The following TRIM68 variants were observed in gnomAD, a reference collection of about 807,000 sequenced individuals.
The protein encoded by TRIM68 is E3 ubiquitin-protein ligase TRIM68.
A neutral mutation model predicts 41.9 loss-of-function variants in TRIM68; 36 were observed. The ratio of observed to expected loss-of-function variants is 0.86; its 90% CI spans 0.66 to 1.14. The LOEUF (loss-of-function observed/expected upper bound fraction) is 1.14, where lower values mean the gene tolerates loss of function less well. TRIM68 is among the 50% of genes most tolerant of loss of function. The probability of loss-of-function intolerance (pLI) is 0.00; values close to 1 mark genes in which losing one functional copy is unlikely to be tolerated. For synonymous variants in TRIM68, 225 were observed against 224.6 expected (o/e 1.00, Z -0.02); for missense variants, 632 against 605.1 (o/e 1.04, Z -0.47).
At chr11:4,601,756 G>C in intron 4 of TRIM68, 70 bp from the exon 5 acceptor site, 1 of 1,574,608 alleles carries the variant, frequency 6.4e-7, no homozygotes, top group Non-Finnish European at 8.7e-7. Context: ...CATCGAACTG[G>C]CAGGGAGTTT....
At chr11:4,607,508 T>A (rs1411358572) in intron 1 of TRIM68, among the ~76,000 whole-genome samples, 5 of 152,138 alleles carry the variant, frequency 3.3e-5, no homozygotes, top group Non-Finnish European at 7.4e-5. Flanking sequence ...AGACCTAAAA[T>A]AGCGATGGAA....
In TRIM68 at chr11:4,605,380, C is replaced by T. The variant is rs761609100; in HGVS notation, c.125G>A (p.Gly42Glu). The change falls in exon 2 of 7, where the codon GGA (glycine) becomes GAA (glutamate). Residue 42 changes from glycine (G) to glutamate (E), a missense_variant. Gly to Glu is a moderately conservative substitution (Grantham distance 98). Coordinates refer to ENST00000300747, the MANE Select transcript of TRIM68 (RefSeq NM_018073.8). ...GHSFCHSCLS[G>E]LWEIPGESQN... ...GGATTCTCCTGGGATCTCCCAGAGT[C>T]CAGAGAGACAGCTGTGGCAGAAGCT... is the stretch of plus-strand genomic sequence containing the variant. 1.3e-5 allele frequency: 21 copies of T among 1,614,072 alleles called. No individual in the cohort carries two copies.
At chr11:4,604,893 G>C (rs1401454914) in intron 2 of TRIM68, among the ~76,000 whole-genome samples, 186 bp downstream of exon 2, 1 of 152,126 alleles carries the variant, frequency 6.6e-6, no homozygotes, top group Admixed American at 6.5e-5. Context: ...GGGAGAGCAG[G>C]AAATCAAGGA....
In TRIM68 at chr11:4,605,035, T is replaced by A. The variant is rs772966030; in HGVS notation, c.426+44A>T. ...AGCCCTTGATCTAGAAACAGCCAAC[T>A]TGGGGCCGGGGTTAGACTGGAGTGG... On this transcript the variant is annotated intron_variant, in intron 2 of 6. Transcript: ENST00000300747. The A allele has an allele frequency of 1.9e-5, 31 of 1,591,922 alleles. 1 individual carries two copies. The South Asian group carries it at 3.5e-4, about 18-fold the overall frequency.
At chr11:4,603,093 G>C in intron 3 of TRIM68, 152 bp downstream of exon 3, 7 of 733,268 alleles carry the variant, frequency 9.5e-6, no homozygotes, top group Non-Finnish European at 1.6e-5. Context: ...CCTACCTAAG[G>C]CCTGGGACAG....
In TRIM68 at chr11:4,601,035, G is replaced by A. The variant is rs762230721; in HGVS notation, c.899C>T (p.Thr300Ile). 8 of 1,613,802 alleles carry A rather than the reference G, an allele frequency of 5.0e-6. No individual in the cohort carries two copies. The highest frequency in any genetic ancestry group is 6.8e-6 in the Non-Finnish European group (8 of 1,179,830). The change falls in exon 6 of 7, where the codon ACT becomes ATT. Residue 300 changes from threonine to isoleucine, a missense_variant. Thr to Ile is a moderately conservative substitution (Grantham distance 89). Coordinates refer to ENST00000300747, the MANE Select transcript of TRIM68 (RefSeq NM_018073.8). ...RVLGLREILK[T>I]YAADVRLDPD... ...CCCCCAGGATCCATTACCTGCATAAGTCTTCAGGATCTCTCTTAGCCCCAG... is the reference window on the plus strand; with the variant it reads ...CCCCCAGGATCCATTACCTGCATAAATCTTCAGGATCTCTCTTAGCCCCAG...
chr11:4,605,534 G>C lies in TRIM68; in HGVS notation c.-30C>G. ...CCTTCTCACACCCTCCTCAGAACAT[G>C]AATGAAACCAGGGAGAAGTAGTAAA... On this transcript the variant is annotated 5_prime_UTR_variant, in exon 2 of 7. Transcript: ENST00000300747. 6.4e-7 allele frequency: 1 copy of C among 1,562,538 alleles called. No homozygotes were observed. The highest frequency in any genetic ancestry group is 8.7e-7 in the Non-Finnish European group (1 of 1,152,352).
intron 2 of TRIM68, 111 bp from the exon 3 acceptor site, chr11:4,603,451 G>C (rs1460543492): frequency 2.2e-6 from 2 of 911,962 alleles, no homozygotes; most frequent in Admixed American, 2.1e-5. Context: ...AGTGAAGGCT[G>C]TGGGGAAAGG....
At chr11:4,603,188 G>T in intron 3 of TRIM68, 57 bp downstream of exon 3, 1 of 1,522,906 alleles carries the variant, frequency 6.6e-7, no homozygotes, top group Non-Finnish European at 9.1e-7. Context: ...CCCTAGGCCA[G>T]CTCCAGGACC....
chr11:4,603,398 G>C, intron 2 of TRIM68, 58 bp from the exon 3 acceptor site: 3 of 1,509,094 alleles, frequency 2.0e-6, no homozygotes, highest in Non-Finnish European at 2.8e-6. Flanking sequence ...TCCTAGCACT[G>C]GGAGGCTATG....
chr11:4,604,771 A>G lies in TRIM68; in HGVS notation c.426+308T>C, dbSNP rs184346857. Among the ~76,000 whole-genome samples the G allele has an allele frequency of 5.4e-3, 818 of 152,322 alleles. 2 individuals carry two copies. Among genetic ancestry groups the G allele is most frequent in the Non-Finnish European group, 8.5e-3 (576 of 68,030 alleles). Reference sequence around the variant, plus strand: ...AGAGCCTCATGCCTAAACTCATCCAAGGCATCCAGAATCTCAGTTAAAACC... The same window carrying G: ...AGAGCCTCATGCCTAAACTCATCCAGGGCATCCAGAATCTCAGTTAAAACC... On this transcript the variant is annotated intron_variant, in intron 2 of 6. Coordinates refer to ENST00000300747, the MANE Select transcript of TRIM68 (RefSeq NM_018073.8).
intron 1 of TRIM68, among the ~76,000 whole-genome samples, chr11:4,606,205 A>C (rs1335996567): frequency 6.6e-6 from 1 of 152,240 alleles, no homozygotes; most frequent in Non-Finnish European, 1.5e-5. Context: ...TTTTAGTGAT[A>C]TGCTAGAAGC....
intron 5 of TRIM68, 118 bp from the exon 6 acceptor site, chr11:4,601,245 C>T: frequency 1.3e-6 from 1 of 793,300 alleles, no homozygotes; most frequent in Non-Finnish European, 2.2e-6. Context: ...AAAGCAGAGA[C>T]ATGATGGTTA....
intron 1 of TRIM68, among the ~76,000 whole-genome samples, chr11:4,606,637 A>G (rs1052719156): frequency 2.0e-5 from 3 of 152,244 alleles, no homozygotes; most frequent in Non-Finnish European, 2.9e-5. Context: ...GAGCAGTTCT[A>G]TGATGTGCCA....
At chr11:4,604,936 T>C in intron 2 of TRIM68, 143 bp downstream of exon 2, 2 of 838,458 alleles carry the variant, frequency 2.4e-6, no homozygotes, top group Non-Finnish European at 3.6e-6. Flanking sequence ...TATAGCTCTC[T>C]GTATCAGATT....
chr11:4,601,736 AG>A, intron 4 of TRIM68, 50 bp from the exon 5 acceptor site: 1 of 1,609,842 alleles, frequency 6.2e-7, no homozygotes, highest in Non-Finnish European at 8.5e-7. Flanking sequence ...TATTCCTCAG[AG>A]GGAACAGACA....
At chr11:4,605,041 C>G in intron 2 of TRIM68, 38 bp downstream of exon 2, 2 of 1,595,836 alleles carry the variant, frequency 1.3e-6, no homozygotes, top group Non-Finnish European at 1.7e-6. Context: ...CAACTTGGGG[C>G]CGGGGTTAGA....
chr11:4,602,147 C>A lies in TRIM68; in HGVS notation c.783+5G>T. 1 of 1,614,180 alleles carries A rather than the reference C, an allele frequency of 6.2e-7. No individual in the cohort carries two copies. Among genetic ancestry groups the A allele is most frequent in the Non-Finnish European group, 8.5e-7 (1 of 1,180,020 alleles). On this transcript the variant is annotated splice_donor_5th_base_variant and intron_variant, in intron 4 of 6. Coordinates refer to ENST00000300747, the MANE Select transcript of TRIM68 (RefSeq NM_018073.8). ...TCAGGGTTACCAGGAAAACCTACTACTCACCTGCAACATCCAGCGGACAGG... is the reference window on the plus strand; with the variant it reads ...TCAGGGTTACCAGGAAAACCTACTAATCACCTGCAACATCCAGCGGACAGG...
Position 4,605,102 on chromosome 11 carries a change from C to T in TRIM68, c.403G>A (p.Glu135Lys). 1 of 1,614,094 alleles carries T rather than the reference C, an allele frequency of 6.2e-7. No homozygotes were observed. The highest frequency in any genetic ancestry group is 1.1e-5 in the South Asian group (1 of 91,082). The stretch of plus-strand genomic sequence containing the variant: ...ACCTTGTACTCCCAGGCAACATCCT[C>T]CATTGGCACAACACTGTGGGCCTCA... ...EHEAHSVVPMEDVAWEYKWEL... is the reference protein window; with the variant it reads ...EHEAHSVVPMKDVAWEYKWEL... The change falls in exon 2 of 7, where the codon GAG becomes AAG. Residue 135 changes from glutamate to lysine, a missense_variant. Transcript: ENST00000300747.
Sources: allele counts gnomAD v4.1 joint callset (sites outside exome capture counted in the v4.1 genomes callset), GRCh38; gene constraint gnomAD v4.1.1; transcripts MANE v1.5; gene names NCBI Gene and HGNC (gene_info 2026-07-23, HGNC 2026-07-21).